Variants in GTF2A1L observed in about 807,000 individuals in gnomAD.
GTF2A1L encodes TFIIA-alpha and beta-like factor.
In GTF2A1L, 48 loss-of-function variants were observed where a neutral mutation model predicts 49.7. That is an observed-to-expected ratio of 0.97 (90% CI 0.77 to 1.23). The LOEUF (loss-of-function observed/expected upper bound fraction) is 1.23, where lower values mean the gene tolerates loss of function less well. Among genes scored for constraint, GTF2A1L ranks in the 50% most tolerant of loss-of-function variants. GTF2A1L has a pLI of 0.00. For missense variants in GTF2A1L, 736 were observed against 564.8 expected (o/e 1.30, Z -3.07); for synonymous variants, 246 against 193.5 (o/e 1.27, Z -2.25).
At chr2:48,656,371 T>G (rs1025211578) in intron 6 of GTF2A1L, among the ~76,000 whole-genome samples, 12 of 146,272 alleles carry the variant, frequency 8.2e-5, no homozygotes, top group East Asian at 3.9e-4. Context: ...TTTTTTTTTT[T>G]TTTTTTAATA....
chr2:48,657,822 T>C (rs912420942), intron 6 of GTF2A1L, among the ~76,000 whole-genome samples: 11 of 152,152 alleles, frequency 7.2e-5, no homozygotes, highest in Non-Finnish European at 1.6e-4. Flanking sequence ...TGATATCTTA[T>C]TGCATTTTTG....
At chr2:48,663,387 G>A (rs926818091) in intron 6 of GTF2A1L, among the ~76,000 whole-genome samples, 4 of 152,140 alleles carry the variant, frequency 2.6e-5, no homozygotes, top group African/African-American at 9.7e-5. Flanking sequence ...AGTAAACTGA[G>A]ATTGGACCAC....
In GTF2A1L at chr2:48,646,936, T is replaced by G; in HGVS notation, c.872T>G (p.Val291Gly). 2 of 1,614,180 alleles carry G rather than the reference T, an allele frequency of 1.2e-6. No homozygotes were observed. Among genetic ancestry groups the G allele is most frequent in the South Asian group, 2.2e-5 (2 of 91,086 alleles). Residue 291 changes from valine to glycine, a missense_variant, in exon 6 of 9, where the codon GTG becomes GGG. Physicochemically the swap from Val to Gly is moderately radical, Grantham distance 109. Transcript: ENST00000403751. ...CCTCATGGGGCTCTCCACCAGCACG[T>G]GACTGATATTCAGCTTCATATTCTT... ...TSPHGALHQH[V>G]TDIQLHILKN...
Position 48,625,421 on chromosome 2 carries a change from T to C in GTF2A1L, c.247+4131T>C, listed in dbSNP as rs551031424. Among the ~76,000 whole-genome samples the C allele has an allele frequency of 2.1e-5, 3 of 144,362 alleles. No homozygotes were observed. In the East Asian group the frequency reaches 5.8e-4, roughly 28 times the overall value. 94.7% of individuals were successfully genotyped at this position (144,362 alleles called of 152,430 possible). A position where few individuals can be genotyped will look rare whatever the true frequency, so the allele number is the denominator to read the frequency against. On this transcript the variant is annotated intron_variant, in intron 3 of 8. Transcript: ENST00000403751. The stretch of plus-strand genomic sequence containing the variant: ...TTGAAAAGGTTATTTGTTTTTCTGT[T>C]ATTGAGTTGTGTAAATCTTTTAATA...
chr2:48,646,425 C>G, intron 5 of GTF2A1L, 28 bp from the exon 6 acceptor site: 2 of 1,458,938 alleles, frequency 1.4e-6, no homozygotes, highest in South Asian at 3.0e-5. Context: ...TTCTATTATA[C>G]TTACAATTTT....
In GTF2A1L at chr2:48,621,156, C is replaced by G; in HGVS notation, c.124-11C>G. ...TTTTTTTAAAGTAAACTTTTTTTTT[C>G]CCCTCTGCAGCTCTGGGAAACCAAG... On this transcript the variant is annotated splice_polypyrimidine_tract_variant and intron_variant, in intron 2 of 8. Coordinates refer to ENST00000403751, the MANE Select transcript of GTF2A1L (RefSeq NM_006872.5). 1 of 1,586,976 alleles carries G rather than the reference C, an allele frequency of 6.3e-7. No individual in the cohort carries two copies. Among genetic ancestry groups the G allele is most frequent in the Non-Finnish European group, 8.5e-7 (1 of 1,172,106 alleles).
chr2:48,667,317 G>C (rs945498282), intron 6 of GTF2A1L, among the ~76,000 whole-genome samples: 10 of 152,226 alleles, frequency 6.6e-5, no homozygotes, highest in African/African-American at 1.9e-4. Context: ...GAAGTAAATA[G>C]TATTTATAGT....
intron 6 of GTF2A1L, among the ~76,000 whole-genome samples, chr2:48,662,142 T>C (rs559638596): frequency 3.7e-4 from 57 of 152,360 alleles, no homozygotes; most frequent in African/African-American, 1.3e-3. Flanking sequence ...TTCAATCACA[T>C]ACAAAAAGTT....
chr2:48,621,181 G>C lies in GTF2A1L; in HGVS notation c.138G>C (p.Lys46Asn), dbSNP rs766871410. 2.5e-6 allele frequency: 4 copies of C among 1,612,936 alleles called. No homozygotes were observed. The highest frequency in any genetic ancestry group is 1.3e-5 in the African/African-American group (1 of 74,800). The change falls in exon 3 of 9, where the codon AAG (lysine) becomes AAC (asparagine). Residue 46 changes from lysine (K) to asparagine (N), a missense_variant. Lys to Asn is a moderately conservative substitution (Grantham distance 94). Coordinates refer to ENST00000403751, the MANE Select transcript of GTF2A1L (RefSeq NM_006872.5). ...LKDLKQLWET[K>N]VLQSKATEDF... ...CCCCTCTGCAGCTCTGGGAAACCAA[G>C]GTTTTGCAGTCTAAAGCAACAGAAG...
chr2:48,633,294 C>G (rs1676690320), intron 3 of GTF2A1L: 1 of 158,050 alleles, frequency 6.3e-6, no homozygotes, highest in Admixed American at 6.5e-5. Context: ...CTGCAATCTC[C>G]CAGATATTGT....
intron 6 of GTF2A1L, among the ~76,000 whole-genome samples, chr2:48,652,312 T>C (rs1661940554): frequency 6.6e-6 from 1 of 152,116 alleles, no homozygotes. Context: ...TCAGTACTTG[T>C]TGCTATTAAA....
At chr2:48,666,680 T>C (rs1318649666) in intron 6 of GTF2A1L, among the ~76,000 whole-genome samples, 2 of 152,078 alleles carry the variant, frequency 1.3e-5, no homozygotes, top group Non-Finnish European at 2.9e-5. Context: ...TCTTTTTTGC[T>C]GTGTCACATC....
Position 48,646,896 on chromosome 2 carries a change from T to G in GTF2A1L, c.832T>G (p.Ser278Ala). The G allele has an allele frequency of 6.2e-7, 1 of 1,614,062 alleles. No individual in the cohort carries two copies. The highest frequency in any genetic ancestry group is 8.5e-7 in the Non-Finnish European group (1 of 1,180,000). ...ASMAQNLHDE[S>A]LSTSPHGALH... Reference sequence around the variant, plus strand: ...CATGGCTCAAAATCTGCATGATGAGTCCCTCTCCACAAGCCCTCATGGGGC... The same window carrying G: ...CATGGCTCAAAATCTGCATGATGAGGCCCTCTCCACAAGCCCTCATGGGGC... Residue 278 changes from serine to alanine, a missense_variant, in exon 6 of 9, where the codon TCC (serine) becomes GCC (alanine). By Grantham distance (99) the Ser-to-Ala change is moderately conservative. Coordinates refer to ENST00000403751, the MANE Select transcript of GTF2A1L (RefSeq NM_006872.5).
At chr2:48,670,454 A>T (rs1451567517) in intron 7 of GTF2A1L, among the ~76,000 whole-genome samples, 2 of 152,222 alleles carry the variant, frequency 1.3e-5, no homozygotes, top group African/African-American at 4.8e-5. Context: ...CCAATAATAA[A>T]TATTTGGGAA....
At chr2:48,670,278 C>G (rs1679097460) in intron 7 of GTF2A1L, among the ~76,000 whole-genome samples, 1 of 151,872 alleles carries the variant, frequency 6.6e-6, no homozygotes, top group Admixed American at 6.6e-5. Context: ...CCTGTAAACC[C>G]AGCTACTCAG....
intron 6 of GTF2A1L, among the ~76,000 whole-genome samples, chr2:48,666,480 A>G (rs1438033587): frequency 6.6e-6 from 1 of 152,118 alleles, no homozygotes; most frequent in African/African-American, 2.4e-5. Flanking sequence ...GATAGACACC[A>G]TATGGTTGGG....
intron 8 of GTF2A1L, among the ~76,000 whole-genome samples, chr2:48,676,494 G>T (rs1359481804): frequency 1.3e-5 from 2 of 151,726 alleles, no homozygotes; most frequent in East Asian, 1.9e-4. Flanking sequence ...ATATGTTAAA[G>T]GGCCTTTTGT....
chr2:48,672,055 A>T (rs1679198325), intron 8 of GTF2A1L, among the ~76,000 whole-genome samples: 1 of 152,228 alleles, frequency 6.6e-6, no homozygotes, highest in Non-Finnish European at 1.5e-5. Context: ...AAATGCTAAG[A>T]TATGCAGCAC....
chr2:48,620,490 C>T (rs1411267968), intron 1 of GTF2A1L, among the ~76,000 whole-genome samples: 2 of 152,188 alleles, frequency 1.3e-5, no homozygotes, highest in African/African-American at 4.8e-5. Context: ...GAAGTCAGAA[C>T]TTTAACAGGC....
Sources: allele counts gnomAD v4.1 joint callset (sites outside exome capture counted in the v4.1 genomes callset), GRCh38; gene constraint gnomAD v4.1.1; transcripts MANE v1.5; gene names NCBI Gene and HGNC (gene_info 2026-07-23, HGNC 2026-07-21).